Variants in LMNTD1 observed in about 807,000 individuals in gnomAD.
LMNTD1 encodes the protein lamin tail domain containing 1, also known as lamin tail domain-containing protein 1.
LMNTD1 carries 35 observed loss-of-function variants against 50.9 expected under a neutral mutation model. That is an observed-to-expected ratio of 0.69 (90% confidence interval 0.53 to 0.91). LMNTD1 has a LOEUF of 0.91. Ranked by LOEUF, LMNTD1 falls within the 40% of genes least tolerant of loss-of-function variation. LMNTD1 has a pLI of 0.00. For missense variants in LMNTD1, 470 were observed against 475.5 expected, an observed-to-expected ratio of 0.99 and a Z score of 0.11; for synonymous variants, 153 against 161.9, an observed-to-expected ratio of 0.94 and a Z score of 0.42.
intron 4 of LMNTD1, among the ~76,000 whole-genome samples, chr12:25,532,986 A>G (rs900007019): frequency 6.6e-6 from 1 of 152,136 alleles, no homozygotes; most frequent in Non-Finnish European, 1.5e-5. Context: ...TTCCTTTGTT[A>G]TTATACATAT....
rs755397657 is a variant in LMNTD1, at chr12:25,526,918, T to A, written c.529A>T (p.Lys177Ter). The A allele has an allele frequency of 5.2e-5, 84 of 1,610,738 alleles. No individual in the cohort carries two copies. Among genetic ancestry groups the A allele is most frequent in the Admixed American group, 3.2e-4 (19 of 59,378 alleles). Residue 177 changes from lysine (K) to a stop codon, truncating the protein, a stop_gained, in exon 5 of 10, where the codon AAG becomes TAG. Transcript: ENST00000458174. LOFTEE classifies it high-confidence loss of function. Reference sequence around the variant, plus strand: ...TTAATGAGCTTCACGAACAAACCCTTGACATTCACTTCAGCTATTTCAACA... The same window carrying A: ...TTAATGAGCTTCACGAACAAACCCTAGACATTCACTTCAGCTATTTCAACA... Reference protein sequence around the residue: ...GDVEIAEVNVKGLFVKLINSS... With the variant: ...GDVEIAEVNV
chr12:25,482,019 G>A (rs1938464058), intron 9 of LMNTD1, among the ~76,000 whole-genome samples: 1 of 151,566 alleles, frequency 6.6e-6, no homozygotes, highest in Non-Finnish European at 1.5e-5. Context: ...TCCTTCCCTT[G>A]TGGTAATGGA....
At chr12:25,545,321 T>C (rs906269742) in intron 4 of LMNTD1, among the ~76,000 whole-genome samples, 10 of 151,670 alleles carry the variant, frequency 6.6e-5, no homozygotes, top group Admixed American at 5.9e-4. Context: ...AGTCTGTTGC[T>C]AGACAAATTC....
Position 25,546,375 on chromosome 12 carries a change from T to C in LMNTD1, c.490A>G (p.Ser164Gly), listed in dbSNP as rs778587870. ...ILEEVGQFTS[S>G]SLGDVEIAEV... Reference sequence around the variant, plus strand: ...AAGTAGTTCAAATAAAATATGTACCTGGAGGTAAATTGGCCAACTTCTTCA... The same window carrying C: ...AAGTAGTTCAAATAAAATATGTACCCGGAGGTAAATTGGCCAACTTCTTCA... Residue 164 changes from serine to glycine, a missense_variant and splice_region_variant, in exon 4 of 10, where the codon AGT (serine) becomes GGT (glycine). Physicochemically the swap from Ser to Gly is moderately conservative, Grantham distance 56. Coordinates refer to ENST00000458174, the MANE Select transcript of LMNTD1 (RefSeq NM_001145728.2). 3.2e-6 allele frequency: 5 copies of C among 1,572,470 alleles called. No individual in the cohort carries two copies. In the East Asian group the frequency reaches 6.9e-5, roughly 22 times the overall value.
At chr12:25,607,234 T>C (rs867758278) in intron 1 of LMNTD1, among the ~76,000 whole-genome samples, 1 of 152,204 alleles carries the variant, frequency 6.6e-6, no homozygotes, top group Non-Finnish European at 1.5e-5. Flanking sequence ...TTCTTCTTTA[T>C]TAGTCTTGCT....
At chr12:25,543,468 G>C (rs1382726214) in intron 4 of LMNTD1, among the ~76,000 whole-genome samples, 4 of 151,698 alleles carry the variant, frequency 2.6e-5, no homozygotes, top group Non-Finnish European at 5.9e-5. Flanking sequence ...CATTAAAAAA[G>C]AAAAACCATA....
chr12:25,581,335 C>T (rs1381936545), intron 1 of LMNTD1, among the ~76,000 whole-genome samples: 2 of 152,150 alleles, frequency 1.3e-5, no homozygotes, highest in African/African-American at 4.8e-5. Context: ...GGAGGCATCT[C>T]TTTTGCTGAT....
intron 1 of LMNTD1, among the ~76,000 whole-genome samples, chr12:25,625,615 T>G (rs1343501347): frequency 6.6e-6 from 1 of 152,204 alleles, no homozygotes; most frequent in Non-Finnish European, 1.5e-5. Flanking sequence ...TCAGGTCCTG[T>G]GTAGCCTATT....
At chr12:25,567,000 T>C (rs1465399659) in intron 1 of LMNTD1, among the ~76,000 whole-genome samples, 1 of 152,204 alleles carries the variant, frequency 6.6e-6, no homozygotes, top group African/African-American at 2.4e-5. Context: ...AGGTTCCAGT[T>C]ATGTCTTTTG....
At chr12:25,573,906 C>A (rs1344238964) in intron 1 of LMNTD1, among the ~76,000 whole-genome samples, 1 of 152,056 alleles carries the variant, frequency 6.6e-6, no homozygotes, top group African/African-American at 2.4e-5. Flanking sequence ...CTCACCCTGC[C>A]CTAGATATCC....
intron 9 of LMNTD1, among the ~76,000 whole-genome samples, chr12:25,498,508 A>T (rs1939191390): frequency 6.6e-6 from 1 of 152,212 alleles, no homozygotes; most frequent in South Asian, 2.1e-4. Context: ...AGACTCCAAG[A>T]TTCATAATTC....
chr12:25,536,375 T>C (rs1240287092), intron 4 of LMNTD1, among the ~76,000 whole-genome samples: 1 of 152,220 alleles, frequency 6.6e-6, no homozygotes, highest in Non-Finnish European at 1.5e-5. Context: ...CAAAGTATGT[T>C]CTTTGACCAC....
At chr12:25,485,571 G>C (rs1938600178) in intron 9 of LMNTD1, among the ~76,000 whole-genome samples, 1 of 140,054 alleles carries the variant, frequency 7.1e-6, no homozygotes, top group Non-Finnish European at 1.5e-5. Flanking sequence ...TGGACATGAA[G>C]TCCTTTCCCA....
chr12:25,496,160 T>C (rs1939057743), intron 9 of LMNTD1, among the ~76,000 whole-genome samples: 1 of 152,122 alleles, frequency 6.6e-6, no homozygotes, highest in African/African-American at 2.4e-5. Flanking sequence ...GTTTCACGTG[T>C]TCCTATTACA....
intron 1 of LMNTD1, among the ~76,000 whole-genome samples, chr12:25,559,113 G>T (rs1010721098): frequency 7.9e-5 from 12 of 151,764 alleles, no homozygotes; most frequent in Admixed American, 7.9e-4. Flanking sequence ...TGTTACATAT[G>T]CATACACATG....
chr12:25,586,956 G>T lies in LMNTD1; in HGVS notation c.59-40402C>A, dbSNP rs181173445. 1.2e-3 allele frequency among the ~76,000 whole-genome samples: 190 copies of T among 152,218 alleles called. 1 individual carries two copies. The highest frequency in any genetic ancestry group is 0.012 in the South Asian group (59 of 4,826). On this transcript the variant is annotated intron_variant, in intron 1 of 7. Coordinates refer to the LMNTD1 transcript ENST00000445693. ...TCTCTGTAGCTTCATCTCTCTTCAG[G>T]CTTCCCCTTGTGATTAAAGATCCAG...
chr12:25,618,685 T>C (rs1184972026), intron 1 of LMNTD1, among the ~76,000 whole-genome samples: 1 of 152,176 alleles, frequency 6.6e-6, no homozygotes, highest in Non-Finnish European at 1.5e-5. Context: ...AAGAATTTAC[T>C]CTATACTTGG....
intron 1 of LMNTD1, among the ~76,000 whole-genome samples, chr12:25,576,640 G>A (rs1020644584): frequency 1.4e-4 from 22 of 152,164 alleles, no homozygotes; most frequent in Non-Finnish European, 2.6e-4. Context: ...CATTCTGTAA[G>A]TTGCCTGTTC....
chr12:25,598,395 CA>C (rs35534454), intron 1 of LMNTD1, among the ~76,000 whole-genome samples: 14,028 of 151,334 alleles, frequency 0.093, 1,037 homozygotes, highest in African/African-American at 0.21. Context: ...ATGCCTACAT[CA>C]AAAAAAGAAG....
Sources: allele counts gnomAD v4.1 joint callset (sites outside exome capture counted in the v4.1 genomes callset), GRCh38; gene constraint gnomAD v4.1.1; transcripts MANE v1.5; gene names NCBI Gene and HGNC (gene_info 2026-07-23, HGNC 2026-07-21).